ALG14: variants seen among roughly 807,000 people sequenced by gnomAD.
ALG14 encodes the protein UDP-N-acetylglucosamine transferase subunit ALG14.
In ALG14, 17 loss-of-function variants were observed where a neutral mutation model predicts 22.8. The observed-to-expected ratio is 0.75, with a 90% CI of 0.51 to 1.12. The LOEUF (loss-of-function observed/expected upper bound fraction) is 1.12. ALG14 is among the 50% of genes most tolerant of loss of function. The pLI is 0.00. For missense variants in ALG14, 288 were observed against 271.8 expected, an observed-to-expected ratio of 1.06 and a Z score of -0.42; for synonymous variants, 89 against 103.7, an observed-to-expected ratio of 0.86 and a Z score of 0.86.
intron 3 of ALG14, among the ~76,000 whole-genome samples, chr1:95,026,078 G>A (rs917681486): frequency 3.9e-5 from 6 of 151,988 alleles, no homozygotes; most frequent in Non-Finnish European, 7.4e-5. Context: ...GACTACAGGC[G>A]CCCACCACCA....
At chr1:95,004,001 C>G (rs1222953849) in intron 3 of ALG14, among the ~76,000 whole-genome samples, 2 of 152,018 alleles carry the variant, frequency 1.3e-5, no homozygotes, top group African/African-American at 2.4e-5. Context: ...AGATACAAAG[C>G]CAGTGATAAT....
intron 2 of ALG14, among the ~76,000 whole-genome samples, chr1:95,039,612 T>C (rs1286869474): frequency 1.3e-5 from 2 of 152,072 alleles, no homozygotes; most frequent in Non-Finnish European, 2.9e-5. Context: ...TAATTTTGAG[T>C]TGGTAAAATA....
intron 1 of ALG14, among the ~76,000 whole-genome samples, chr1:95,068,819 T>C (rs775150710): frequency 4.6e-5 from 7 of 152,188 alleles, no homozygotes; most frequent in Non-Finnish European, 1.0e-4. Context: ...AACCTTAATT[T>C]TGGTTTCTAG....
chr1:95,045,419 T>C (rs1405565285), intron 2 of ALG14, among the ~76,000 whole-genome samples: 2 of 152,244 alleles, frequency 1.3e-5, no homozygotes, highest in East Asian at 1.9e-4. Flanking sequence ...AAGGAAACCA[T>C]TGACAATGTT....
At chr1:95,019,919 A>T (rs1440302638) in intron 3 of ALG14, among the ~76,000 whole-genome samples, 1 of 152,190 alleles carries the variant, frequency 6.6e-6, no homozygotes, top group Non-Finnish European at 1.5e-5. Context: ...CACTAGAAAA[A>T]GAAATCCATG....
chr1:94,986,100 T>C (rs1672633050), intron 3 of ALG14, among the ~76,000 whole-genome samples: 1 of 152,186 alleles, frequency 6.6e-6, no homozygotes, highest in Non-Finnish European at 1.5e-5. Context: ...TAAGTAAAGA[T>C]GTTAAATGAT....
chr1:95,035,069 C>T (rs1484313116), intron 2 of ALG14, among the ~76,000 whole-genome samples: 4 of 152,186 alleles, frequency 2.6e-5, no homozygotes, highest in African/African-American at 9.6e-5. Context: ...AATTTTGAGA[C>T]TTTTCTGTTG....
At chr1:95,041,200 T>G (rs964073437) in intron 2 of ALG14, among the ~76,000 whole-genome samples, 1 of 152,196 alleles carries the variant, frequency 6.6e-6, no homozygotes, top group Non-Finnish European at 1.5e-5. Context: ...ATTAGAGATT[T>G]TTTTTTACCT....
intron 3 of ALG14, among the ~76,000 whole-genome samples, chr1:94,989,630 A>G (rs1020036119): frequency 6.6e-6 from 1 of 152,200 alleles, no homozygotes; most frequent in African/African-American, 2.4e-5. Flanking sequence ...TGCCAGCTGC[A>G]GCGTTCACTG....
At chr1:95,018,672 A>G (rs1480069588) in intron 3 of ALG14, among the ~76,000 whole-genome samples, 1 of 152,104 alleles carries the variant, frequency 6.6e-6, no homozygotes, top group Non-Finnish European at 1.5e-5. Context: ...TTCCACAGAG[A>G]GCAGGAAATT....
chr1:95,013,183 A>T (rs1673415240), intron 3 of ALG14, among the ~76,000 whole-genome samples: 1 of 151,716 alleles, frequency 6.6e-6, no homozygotes, highest in African/African-American at 2.4e-5. Flanking sequence ...CAAATGTTAG[A>T]GTTGCTATAT....
chr1:95,006,369 T>G (rs915427814), intron 3 of ALG14, among the ~76,000 whole-genome samples: 2 of 152,240 alleles, frequency 1.3e-5, no homozygotes, highest in African/African-American at 4.8e-5. Flanking sequence ...ACTTTCATTT[T>G]AGGATAGGAA....
chr1:95,059,366 C>T (rs1274000085), intron 2 of ALG14, among the ~76,000 whole-genome samples: 2 of 133,172 alleles, frequency 1.5e-5, no homozygotes, highest in African/African-American at 5.9e-5. Context: ...TCATTGCACT[C>T]TAGCCTGGGT....
intron 2 of ALG14, among the ~76,000 whole-genome samples, chr1:95,028,687 T>C (rs1022338825): frequency 2.7e-5 from 4 of 146,588 alleles, no homozygotes; most frequent in African/African-American, 1.0e-4. Context: ...TAGTCTCAGC[T>C]ATTTGGGAGG....
intron 1 of ALG14, among the ~76,000 whole-genome samples, chr1:95,070,286 A>G (rs1675518099): frequency 6.6e-6 from 1 of 152,234 alleles, no homozygotes; most frequent in Non-Finnish European, 1.5e-5. Context: ...CTAAGCATAA[A>G]AACAGACCAT....
At chr1:95,038,091 C>T (rs1674256451) in intron 2 of ALG14, among the ~76,000 whole-genome samples, 1 of 152,198 alleles carries the variant, frequency 6.6e-6, no homozygotes, top group South Asian at 2.1e-4. Flanking sequence ...CCTGTAATCC[C>T]AGCACTTTGG....
intron 1 of ALG14, among the ~76,000 whole-genome samples, chr1:95,069,422 A>C (rs966870996): frequency 3.9e-5 from 6 of 152,164 alleles, no homozygotes. Flanking sequence ...AGACCTTCCA[A>C]ATTTATTATG....
intron 3 of ALG14, among the ~76,000 whole-genome samples, chr1:95,018,083 G>A (rs1673553519): frequency 6.6e-6 from 1 of 152,132 alleles, no homozygotes; most frequent in South Asian, 2.1e-4. Context: ...AAAGATGAGA[G>A]TAAAGCCAAA....
intron 2 of ALG14, among the ~76,000 whole-genome samples, chr1:95,052,873 A>G (rs1674797565): frequency 6.6e-6 from 1 of 151,876 alleles, no homozygotes; most frequent in African/African-American, 2.4e-5. Context: ...AAAAAAAAAA[A>G]AGAGTAATGT....
Sources: allele counts gnomAD v4.1 joint callset (sites outside exome capture counted in the v4.1 genomes callset), GRCh38; gene constraint gnomAD v4.1.1; transcripts MANE v1.5; gene names NCBI Gene and HGNC (gene_info 2026-07-23, HGNC 2026-07-21).